TMEM132D: variants seen among roughly 807,000 people sequenced by gnomAD.
TMEM132D encodes mature OL transmembrane protein.
Under a neutral mutation model 62.3 loss-of-function variants are expected in TMEM132D, and 21 were observed. That is an observed-to-expected ratio of 0.34 (90% CI 0.24 to 0.49). TMEM132D has a LOEUF of 0.49. Among genes scored for constraint, TMEM132D ranks in the 20% least tolerant of loss-of-function variants. The pLI, the probability that TMEM132D is intolerant of heterozygous loss-of-function variation, is 0.99. For synonymous variants in TMEM132D, 621 were observed against 575.6 expected (o/e 1.08, Z -1.13); for missense variants, 1,346 against 1,402.8 (o/e 0.96, Z 0.65).
chr12:129,696,157 A>G (rs951968547), intron 2 of TMEM132D, among the ~76,000 whole-genome samples: 1 of 152,134 alleles, frequency 6.6e-6, no homozygotes, highest in African/African-American at 2.4e-5. Context: ...AAAACCACCA[A>G]AGAATATCGT....
At chr12:129,160,086 G>A (rs1369625122) in intron 5 of TMEM132D, among the ~76,000 whole-genome samples, 1 of 152,160 alleles carries the variant, frequency 6.6e-6, no homozygotes, top group African/African-American at 2.4e-5. Context: ...GCTCTGATTT[G>A]GGGGCTGCAA....
At chr12:129,768,002 T>C (rs544743738) in intron 1 of TMEM132D, among the ~76,000 whole-genome samples, 71 of 152,178 alleles carry the variant, frequency 4.7e-4, no homozygotes, top group African/African-American at 1.5e-3. Context: ...GCATCAGATC[T>C]TGTAAGACTT....
At chr12:129,896,160 GTTTTT>G (rs1046189386) in intron 1 of TMEM132D, among the ~76,000 whole-genome samples, 14 of 135,792 alleles carry the variant, frequency 1.0e-4, no homozygotes, top group Admixed American at 8.1e-4. Flanking sequence ...GTTTTGTTTT[GTTTTT>G]GTAGAGATGG....
chr12:129,385,340 A>G (rs1331755695), intron 3 of TMEM132D, among the ~76,000 whole-genome samples: 1 of 151,996 alleles, frequency 6.6e-6, no homozygotes, highest in Non-Finnish European at 1.5e-5. Flanking sequence ...TCCTGACCCC[A>G]GGTGATCCGC....
intron 5 of TMEM132D, among the ~76,000 whole-genome samples, chr12:129,127,978 C>T (rs1876265578): frequency 6.6e-6 from 1 of 152,170 alleles, no homozygotes; most frequent in African/African-American, 2.4e-5. Context: ...GCTGCCTAGA[C>T]CGTGACCAAC....
chr12:129,721,776 C>T (rs956340450), intron 1 of TMEM132D, among the ~76,000 whole-genome samples: 1 of 152,168 alleles, frequency 6.6e-6, no homozygotes, highest in Non-Finnish European at 1.5e-5. Flanking sequence ...TGGGCCTAAT[C>T]CCAGAGAACC....
At chr12:129,694,129 T>C (rs1381861831) in intron 2 of TMEM132D, among the ~76,000 whole-genome samples, 1 of 152,222 alleles carries the variant, frequency 6.6e-6, no homozygotes, top group Non-Finnish European at 1.5e-5. Flanking sequence ...TTGTTTAAAT[T>C]CTTTTAAACT....
At chr12:129,401,987 A>G (rs1357100543) in intron 3 of TMEM132D, among the ~76,000 whole-genome samples, 1 of 152,184 alleles carries the variant, frequency 6.6e-6, no homozygotes, top group African/African-American at 2.4e-5. Flanking sequence ...AACCAGGTAC[A>G]TGAGGGAGGG....
intron 1 of TMEM132D, chr12:129,840,098 AT>A (rs1418304248): frequency 6.6e-6 from 1 of 152,180 alleles, no homozygotes; most frequent in Non-Finnish European, 1.5e-5. Context: ...TATGACCTCA[AT>A]TTTTTAAGTG....
At chr12:129,462,859 T>G (rs1193955853) in intron 3 of TMEM132D, among the ~76,000 whole-genome samples, 1 of 152,158 alleles carries the variant, frequency 6.6e-6, no homozygotes, top group East Asian at 1.9e-4. Context: ...TAATAAGACT[T>G]GTCTTCCATA....
chr12:129,245,524 G>A (rs1223812576), intron 4 of TMEM132D, among the ~76,000 whole-genome samples: 1 of 151,732 alleles, frequency 6.6e-6, no homozygotes, highest in South Asian at 2.1e-4. Flanking sequence ...ACATCTGTGT[G>A]CAGCCAATAT....
chr12:129,362,577 A>G (rs753800216), intron 3 of TMEM132D, among the ~76,000 whole-genome samples: 1 of 151,662 alleles, frequency 6.6e-6, no homozygotes, highest in Non-Finnish European at 1.5e-5. Context: ...TTATTTTTAT[A>G]TATTTCTTTT....
At chr12:129,376,024 A>AAC (rs1870769961) in intron 3 of TMEM132D, among the ~76,000 whole-genome samples, 1 of 152,208 alleles carries the variant, frequency 6.6e-6, no homozygotes, top group Non-Finnish European at 1.5e-5. Flanking sequence ...TTTGGGCAGA[A>AAC]ACAGTGATGC....
intron 2 of TMEM132D, among the ~76,000 whole-genome samples, chr12:129,540,738 C>A (rs1038962711): frequency 6.6e-6 from 1 of 152,182 alleles, no homozygotes; most frequent in Admixed American, 6.5e-5. Context: ...CCACCTGCCA[C>A]CTTGGCCTCC....
intron 3 of TMEM132D, among the ~76,000 whole-genome samples, chr12:129,358,274 C>T (rs1409202655): frequency 6.6e-6 from 1 of 151,966 alleles, no homozygotes; most frequent in Non-Finnish European, 1.5e-5. Context: ...TTCATTCAAT[C>T]GTTCAGTCAT....
chr12:129,326,124 G>A (rs763566921), intron 4 of TMEM132D, among the ~76,000 whole-genome samples: 2 of 152,312 alleles, frequency 1.3e-5, no homozygotes, highest in Admixed American at 6.5e-5. Context: ...TGCAGCTCAA[G>A]CTACCTGCCT....
chr12:129,245,525 C>T (rs1880073877), intron 4 of TMEM132D, among the ~76,000 whole-genome samples: 1 of 151,886 alleles, frequency 6.6e-6, no homozygotes, highest in South Asian at 2.1e-4. Context: ...CATCTGTGTG[C>T]AGCCAATATT....
At chr12:129,756,368 GAC>G (rs1870169271) in intron 1 of TMEM132D, among the ~76,000 whole-genome samples, 1 of 152,146 alleles carries the variant, frequency 6.6e-6, no homozygotes, top group South Asian at 2.1e-4. Context: ...AGGAAATTTT[GAC>G]ACACACTATA....
intron 3 of TMEM132D, among the ~76,000 whole-genome samples, chr12:129,421,844 ATCTT>A (rs1482500496): frequency 6.6e-6 from 1 of 152,168 alleles, no homozygotes; most frequent in Non-Finnish European, 1.5e-5. Context: ...GGAATGGAAA[ATCTT>A]TCCTCATCTC....
Sources: gnomAD v4.1 joint callset for allele counts (sites outside exome capture counted in the v4.1 genomes callset) on GRCh38, gnomAD v4.1.1 for gene constraint, MANE v1.5 for transcripts, NCBI Gene and HGNC (gene_info 2026-07-23, HGNC 2026-07-21) for gene names.